ESRP1: variants seen among roughly 807,000 people sequenced by gnomAD.
The protein encoded by ESRP1 is epithelial splicing regulatory protein 1.
In ESRP1, 33 loss-of-function variants were observed where a neutral mutation model predicts 81.7. The observed-to-expected ratio is 0.40, with a 90% CI of 0.31 to 0.54. The LOEUF (loss-of-function observed/expected upper bound fraction) is 0.54, where lower values mean the gene tolerates loss of function less well. Ranked by LOEUF, ESRP1 falls within the 20% of genes least tolerant of loss-of-function variation. The probability of loss-of-function intolerance (pLI) is 0.41; values close to 1 mark genes in which losing one functional copy is unlikely to be tolerated. For synonymous variants in ESRP1, 320 were observed against 303.3 expected (o/e 1.06, Z -0.57); for missense variants, 672 against 833.1 (o/e 0.81, Z 2.38).
intron 13 of ESRP1, among the ~76,000 whole-genome samples, chr8:94,688,034 G>C (rs1017317073): frequency 1.3e-5 from 2 of 152,018 alleles, no homozygotes; most frequent in Non-Finnish European, 2.9e-5. Flanking sequence ...GGTATAATTC[G>C]ATCTGAGTTC....
At chr8:94,654,469 T>C (rs552186843) in intron 4 of ESRP1, among the ~76,000 whole-genome samples, 82 of 152,340 alleles carry the variant, frequency 5.4e-4, no homozygotes, top group African/African-American at 1.9e-3. Flanking sequence ...AAGTAAAGTT[T>C]TTCATCTCCT....
chr8:94,691,053 G>A (rs1236670772), intron 13 of ESRP1, among the ~76,000 whole-genome samples: 1 of 152,156 alleles, frequency 6.6e-6, no homozygotes, highest in South Asian at 2.1e-4. Flanking sequence ...AAATGAAGAG[G>A]TATGACTGAA....
Position 94,682,904 on chromosome 8 carries a change from T to TTTTA in ESRP1, c.1820+4534_1820+4535insTTAT, listed in dbSNP as rs1452052553. 1.8e-3 allele frequency among the ~76,000 whole-genome samples: 53 copies of TTTTA among 29,852 alleles called. 2 individuals are homozygous for TTTTA. The highest frequency in any genetic ancestry group is 7.9e-3 in the African/African-American group (44 of 5,604). The allele number at this position is 29,852 out of a possible 152,430, so 19.6% of individuals were successfully genotyped here. A position where few individuals can be genotyped will look rare whatever the true frequency, so the allele number is the denominator to read the frequency against. ...TTCATTATTCAATATATTCATTATTTTATATATATATATATATATATATAT... is the reference window on the plus strand; with the variant it reads ...TTCATTATTCAATATATTCATTATTTTTTATATATATATATATATATATATATAT... On this transcript the variant is annotated intron_variant, in intron 13 of 15. Coordinates refer to ENST00000433389, the MANE Select transcript of ESRP1 (RefSeq NM_017697.4).
rs534494876 is a variant in ESRP1, at chr8:94,650,860, C to T, written c.490+4578C>T. Among the ~76,000 whole-genome samples the T allele has an allele frequency of 3.9e-5, 6 of 152,164 alleles. No individual in the cohort carries two copies. The South Asian group carries it at 6.2e-4, about 16-fold the overall frequency. On this transcript the variant is annotated intron_variant, in intron 4 of 15. Transcript: ENST00000433389. Reference sequence around the variant, plus strand: ...CCGAGTAGCTGGGACTACAGGCGCCCGCCCATGGCTAATTTTTTGTATTTT... The same window carrying T: ...CCGAGTAGCTGGGACTACAGGCGCCTGCCCATGGCTAATTTTTTGTATTTT...
In ESRP1 at chr8:94,641,253, T is replaced by G. The variant is rs1817567379; in HGVS notation, c.-66T>G. 6.6e-7 allele frequency: 1 copy of G among 1,505,416 alleles called. No individual in the cohort carries two copies. Among genetic ancestry groups the G allele is most frequent in the African/African-American group, 1.4e-5 (1 of 72,338 alleles). The allele number at this position is 1,505,416 out of a possible 1,614,324, so 93.3% of individuals were successfully genotyped here. ...AGAAGAGGGTTTAGCACAGGTTTTT[T>G]CGTTCTCACTTCCACACCACCTTAC... On this transcript the variant is annotated 5_prime_UTR_variant, in exon 1 of 16. Coordinates refer to ENST00000433389, the MANE Select transcript of ESRP1 (RefSeq NM_017697.4).
At chr8:94,674,221 T>G (rs1819479483) in intron 11 of ESRP1, 87 bp from the exon 12 acceptor site, 2 of 1,428,706 alleles carry the variant, frequency 1.4e-6, no homozygotes, top group African/African-American at 1.4e-5. Context: ...TTATGGGTGA[T>G]TGTCACTTTG....
At chr8:94,668,745 C>T (rs887168709) in intron 10 of ESRP1, among the ~76,000 whole-genome samples, 1 of 148,896 alleles carries the variant, frequency 6.7e-6, no homozygotes, top group East Asian at 2.0e-4. Flanking sequence ...TCATCGGTTT[C>T]ATACCCTGCT....
intron 12 of ESRP1, among the ~76,000 whole-genome samples, chr8:94,676,595 G>T (rs1808646827): frequency 6.6e-6 from 1 of 151,840 alleles, no homozygotes; most frequent in Non-Finnish European, 1.5e-5. Flanking sequence ...TGACTCCCAG[G>T]TTGAAGTGAT....
chr8:94,680,719 G>T (rs916315174), intron 13 of ESRP1, among the ~76,000 whole-genome samples: 1 of 152,126 alleles, frequency 6.6e-6, no homozygotes, highest in African/African-American at 2.4e-5. Context: ...GAGCCACCAC[G>T]CTCGGTGAAA....
At chr8:94,667,456 A>AGTTACTT (rs1381844519) in intron 9 of ESRP1, among the ~76,000 whole-genome samples, 1 of 150,334 alleles carries the variant, frequency 6.7e-6, no homozygotes, top group Non-Finnish European at 1.5e-5. Context: ...AAGGTAATTG[A>AGTTACTT]GTTACTTGCA....
chr8:94,689,658 T>A (rs1441121413), intron 13 of ESRP1, among the ~76,000 whole-genome samples: 1 of 151,964 alleles, frequency 6.6e-6, no homozygotes, highest in Non-Finnish European at 1.5e-5. Context: ...GAATTTAGGA[T>A]TTTTTTGTTT....
chr8:94,684,863 C>T lies in ESRP1; in HGVS notation c.1820+6492C>T, dbSNP rs551595318. 4.6e-3 allele frequency among the ~76,000 whole-genome samples: 696 copies of T among 152,058 alleles called. 4 individuals carry two copies. The highest frequency in any genetic ancestry group is 0.017 in the South Asian group (80 of 4,810). On this transcript the variant is annotated intron_variant, in intron 13 of 15. Transcript: ENST00000433389. ...TGGAGCCCAGGAGTTCGAGACCATC[C>T]TGGGCATGCAAAAAATTTAAGTTGG...
At chr8:94,648,625 T>C (rs1040932142) in intron 4 of ESRP1, among the ~76,000 whole-genome samples, 2 of 152,248 alleles carry the variant, frequency 1.3e-5, no homozygotes, top group Non-Finnish European at 2.9e-5. Flanking sequence ...TTAAACATTC[T>C]TGATGGTTTT....
At chr8:94,657,303 TCTTTC>T (rs1486783169) in intron 4 of ESRP1, among the ~76,000 whole-genome samples, 1 of 152,236 alleles carries the variant, frequency 6.6e-6, no homozygotes, top group Non-Finnish European at 1.5e-5. Flanking sequence ...CACAGACTCA[TCTTTC>T]CTTTCCTCAA....
At chr8:94,651,987 CTTT>C (rs35903773) in intron 4 of ESRP1, among the ~76,000 whole-genome samples, 4 of 65,222 alleles carry the variant, frequency 6.1e-5, no homozygotes, top group African/African-American at 1.4e-4. Context: ...TCTAAAACGC[CTTT>C]TTTTTTTTTT....
intron 13 of ESRP1, among the ~76,000 whole-genome samples, chr8:94,680,570 G>A (rs964438982): frequency 4.6e-5 from 7 of 152,044 alleles, no homozygotes; most frequent in African/African-American, 1.7e-4. Context: ...TGGCATTACA[G>A]GCATGTGCCA....
At chr8:94,676,330 C>T (rs12550043) in intron 12 of ESRP1, among the ~76,000 whole-genome samples, 2 of 144,658 alleles carry the variant, frequency 1.4e-5, no homozygotes, top group South Asian at 2.2e-4. Flanking sequence ...TCAGCCTGGG[C>T]GACAGTGAGA....
Position 94,668,177 on chromosome 8 carries a change from T to G in ESRP1, c.1160T>G (p.Leu387Trp). The G allele has an allele frequency of 6.2e-7, 1 of 1,613,910 alleles. No individual in the cohort carries two copies. The highest frequency in any genetic ancestry group is 1.1e-5 in the South Asian group (1 of 91,076). ...FACEEYAQNA[L>W]RKHKDLLGKR... ...TGTGAGGAATATGCACAGAATGCGT[T>G]GAGGAAGCATAAAGACTTGTTGGGT... Residue 387 changes from leucine (L) to tryptophan (W), a missense_variant, in exon 10 of 16, where the codon TTG (leucine) becomes TGG (tryptophan). Transcript: ENST00000433389.
At chr8:94,682,934 T>A (rs374487551) in intron 13 of ESRP1, among the ~76,000 whole-genome samples, 225 of 19,698 alleles carry the variant, frequency 0.011, no homozygotes, top group East Asian at 0.017. Context: ...ATATATATAT[T>A]TTTTTTTTTT....
Sources: allele counts gnomAD v4.1 joint callset (sites outside exome capture counted in the v4.1 genomes callset), GRCh38; gene constraint gnomAD v4.1.1; transcripts MANE v1.5; gene names NCBI Gene and HGNC (gene_info 2026-07-23, HGNC 2026-07-21).